The following RAB40B variants were observed in gnomAD, a reference collection of about 807,000 sequenced individuals.
The protein encoded by RAB40B is ras-related protein Rab-40B.
A neutral mutation model predicts 24.0 loss-of-function variants in RAB40B; 21 were observed. The ratio of observed to expected loss-of-function variants is 0.88; its 90% CI spans 0.62 to 1.26. RAB40B has a LOEUF of 1.26. Among genes scored for constraint, RAB40B ranks in the 50% most tolerant of loss-of-function variants. RAB40B has a pLI of 0.00. For synonymous variants in RAB40B, 167 were observed against 169.8 expected (o/e 0.98, Z 0.13); for missense variants, 348 against 390.5 (o/e 0.89, Z 0.92).
intron 5 of RAB40B, 38 bp from the exon 6 acceptor site, chr17:82,658,172 C>T (rs1465940183): frequency 1.3e-6 from 2 of 1,591,456 alleles, no homozygotes; most frequent in East Asian, 4.5e-5. Flanking sequence ...TAGTGGATGT[C>T]CCCACCTGGG....
At position 82,667,017 on chromosome 17, in the gene RAB40B, C is replaced by A. The variant is rs1426296283; in HGVS notation, c.143-2461G>T. On this transcript the variant is annotated intron_variant, in intron 1 of 5. Coordinates refer to ENST00000571995, the MANE Select transcript of RAB40B (RefSeq NM_006822.3). The surrounding 1 kb of genome is among the most constrained non-coding windows in gnomAD (Gnocchi z 4.3). ...GCCGAGGGGAGAAGCAGCGCCGAGG[C>A]TCGCACCAGACCTCACCCTGGAGAC... Among the ~76,000 whole-genome samples, 1 of 152,234 alleles carries A rather than the reference C, an allele frequency of 6.6e-6. No homozygotes were observed. Among genetic ancestry groups the A allele is most frequent in the Non-Finnish European group, 1.5e-5 (1 of 68,038 alleles).
chr17:82,673,084 G>A (rs1437201736), intron 1 of RAB40B, among the ~76,000 whole-genome samples: 2 of 152,092 alleles, frequency 1.3e-5, no homozygotes, highest in African/African-American at 2.4e-5. Flanking sequence ...GGCGCCTGTA[G>A]TCCCAGATAC....
chr17:82,663,385 C>G lies in RAB40B; in HGVS notation c.203+1111G>C, dbSNP rs1226255064. Among the ~76,000 whole-genome samples, 1 of 152,086 alleles carries G rather than the reference C, an allele frequency of 6.6e-6. No homozygotes were observed. The highest frequency in any genetic ancestry group is 1.9e-4 in the East Asian group (1 of 5,178). On this transcript the variant is annotated intron_variant, in intron 2 of 5. Transcript: ENST00000571995. The surrounding 1 kb of genome is among the most constrained non-coding windows in gnomAD (Gnocchi z 6.2). ...GTGGCAGCAGTGCAGGAGGGATGCC[C>G]AAGAGGGAGGCAGCCCCAGGATGAG...
chr17:82,683,805 C>CA (rs35145848), intron 1 of RAB40B, among the ~76,000 whole-genome samples: 151 of 90,762 alleles, frequency 1.7e-3, no homozygotes, highest in Middle Eastern at 5.4e-3. Context: ...ACCCTGTTTC[C>CA]AAAAAAAAAA....
chr17:82,679,586 C>G (rs1018896823), intron 1 of RAB40B, among the ~76,000 whole-genome samples: 3 of 152,150 alleles, frequency 2.0e-5, no homozygotes, highest in Admixed American at 2.0e-4. Context: ...CGCCACAAGC[C>G]TTATTTATTT....
chr17:82,688,199 T>G (rs1463454653), intron 1 of RAB40B, among the ~76,000 whole-genome samples: 1 of 152,104 alleles, frequency 6.6e-6, no homozygotes, highest in East Asian at 2.0e-4. Context: ...TTTTTAAACT[T>G]TCTGTAGAGA....
chr17:82,662,502 C>T, intron 2 of RAB40B: 1 of 985,420 alleles, frequency 1.0e-6, no homozygotes, highest in Non-Finnish European at 1.2e-6. Flanking sequence ...AGCCCAACCC[C>T]AGCCCCAGTG....
At chr17:82,672,660 C>T (rs547565098) in intron 1 of RAB40B, among the ~76,000 whole-genome samples, 87 of 152,354 alleles carry the variant, frequency 5.7e-4, no homozygotes, top group Middle Eastern at 3.4e-3. Context: ...CGGGCTTGCG[C>T]GATGCCCTCT....
In RAB40B at chr17:82,657,206, T is replaced by A. The variant is rs2046092993; in HGVS notation, c.*657A>T. 6.0e-6 allele frequency: 1 copy of A among 165,828 alleles called. No homozygotes were observed. The highest frequency in any genetic ancestry group is 2.4e-5 in the African/African-American group (1 of 41,494). 10.3% of individuals were successfully genotyped at this position (165,828 alleles called of 1,614,324 possible). On this transcript the variant is annotated 3_prime_UTR_variant, in exon 6 of 6. Transcript: ENST00000571995. Reference sequence around the variant, plus strand: ...GCTGTGTTCAACATAACTAGAGGTATCTTTGGCATTTTCTTCCCTTAGCTT... The same window carrying A: ...GCTGTGTTCAACATAACTAGAGGTAACTTTGGCATTTTCTTCCCTTAGCTT...
chr17:82,663,740 C>A lies in RAB40B; in HGVS notation c.203+756G>T, dbSNP rs3794728. 6.6e-6 allele frequency among the ~76,000 whole-genome samples: 1 copy of A among 151,732 alleles called. No homozygotes were observed. The highest frequency in any genetic ancestry group is 1.5e-5 in the Non-Finnish European group (1 of 67,892). On this transcript the variant is annotated intron_variant, in intron 2 of 5. Coordinates refer to ENST00000571995, the MANE Select transcript of RAB40B (RefSeq NM_006822.3). The surrounding 1 kb of genome is among the most constrained non-coding windows in gnomAD (Gnocchi z 6.2). ...TGCTCAGTGGCATCACTGAGCCAGG[C>A]GTGGGGGACCCAGGAGCCCCGGGCT...
chr17:82,676,267 C>T (rs112264082), intron 1 of RAB40B, among the ~76,000 whole-genome samples: 2 of 127,658 alleles, frequency 1.6e-5, no homozygotes, highest in Admixed American at 1.5e-4. Flanking sequence ...AGCATCTCCC[C>T]CACACACAGT....
At chr17:82,660,425 AAC>A (rs199734002) in intron 3 of RAB40B, among the ~76,000 whole-genome samples, 2,731 of 114,810 alleles carry the variant, frequency 0.024, 86 homozygotes, top group African/African-American at 0.085. Context: ...CACACGTGTA[AAC>A]ACACGCACAG....
In RAB40B at chr17:82,657,544, A is replaced by C; in HGVS notation, c.*319T>G. The C allele has an allele frequency of 2.3e-6, 1 of 430,898 alleles. No homozygotes were observed. Among genetic ancestry groups the C allele is most frequent in the Non-Finnish European group, 4.4e-6 (1 of 228,592 alleles). The allele number at this position is 430,898 out of a possible 1,614,324, so 26.7% of individuals were successfully genotyped here. A position where few individuals can be genotyped will look rare whatever the true frequency, so the allele number is the denominator to read the frequency against. The stretch of plus-strand genomic sequence containing the variant: ...TAATCACTCCAATATCACCGTTCTT[A>C]CAAAAGCAGTTATTTTAAGGAAAAA... On this transcript the variant is annotated 3_prime_UTR_variant, in exon 6 of 6. Transcript: ENST00000571995.
intron 1 of RAB40B, among the ~76,000 whole-genome samples, chr17:82,679,784 C>T (rs2046431427): frequency 5.5e-5 from 1 of 18,140 alleles, no homozygotes; most frequent in Non-Finnish European, 1.2e-4. Flanking sequence ...GGGCAGGGGC[C>T]AGCTTCCACT....
At chr17:82,696,496 T>C (rs2046610912) in intron 1 of RAB40B, 1 of 155,916 alleles carries the variant, frequency 6.4e-6, no homozygotes, top group Non-Finnish European at 1.4e-5. Flanking sequence ...TTTATTCCTG[T>C]AGCTCTGGTA....
intron 1 of RAB40B, among the ~76,000 whole-genome samples, chr17:82,698,197 TG>T (rs1361976776): frequency 6.6e-6 from 1 of 151,642 alleles, no homozygotes; most frequent in African/African-American, 2.4e-5. Flanking sequence ...CGAGTGGAAC[TG>T]GGGGTGCAAC....
chr17:82,664,103 G>A (rs1319255175), intron 2 of RAB40B, among the ~76,000 whole-genome samples: 1 of 134,276 alleles, frequency 7.4e-6, no homozygotes, highest in African/African-American at 2.9e-5. Context: ...CTGTGCCGAT[G>A]TTGGTGGGGG....
Position 82,660,980 on chromosome 17 carries a change from G to C in RAB40B, c.264+7C>G. 1 of 1,613,894 alleles carries C rather than the reference G, an allele frequency of 6.2e-7. No homozygotes were observed. On this transcript the variant is annotated splice_region_variant and intron_variant, in intron 3 of 5. Transcript: ENST00000571995. ...TTGATCTCCCAGCTCGGGGGATGCT[G>C]TGTTACCTGTGCGCCCCGGGAGTAG...
intron 1 of RAB40B, among the ~76,000 whole-genome samples, chr17:82,676,308 C>T (rs1335328028): frequency 8.4e-6 from 1 of 119,024 alleles, no homozygotes; most frequent in Non-Finnish European, 2.1e-5. Flanking sequence ...ACAGCCTCTC[C>T]CTCCACACAG....
Sources: gnomAD v4.1 joint callset for allele counts (sites outside exome capture counted in the v4.1 genomes callset) on GRCh38, gnomAD v4.1.1 for gene constraint, Gnocchi (gnomAD v3.1) non-coding constraint, MANE v1.5 for transcripts, NCBI Gene and HGNC (gene_info 2026-07-23, HGNC 2026-07-21) for gene names.